The following PPP1R12C variants were observed in gnomAD, a reference collection of about 807,000 sequenced individuals.
The protein encoded by PPP1R12C is leukocyte receptor cluster (LRC) encoded novel gene 3.
PPP1R12C carries 48 observed loss-of-function variants against 95.6 expected under a neutral mutation model. The ratio of observed to expected loss-of-function variants is 0.50; its 90% CI spans 0.40 to 0.64. The LOEUF is 0.64. Among genes scored for constraint, PPP1R12C ranks in the 30% least tolerant of loss-of-function variants. PPP1R12C has a pLI of 0.00. For synonymous variants in PPP1R12C, 480 were observed against 460.8 expected, an observed-to-expected ratio of 1.04 and a Z score of -0.53; for missense variants, 1,057 against 1,083.3, an observed-to-expected ratio of 0.98 and a Z score of 0.34.
intron 4 of PPP1R12C, among the ~76,000 whole-genome samples, chr19:55,100,261 A>G (rs2084966377): frequency 6.6e-6 from 1 of 152,032 alleles, no homozygotes; most frequent in South Asian, 2.1e-4. Flanking sequence ...TTAAGCCAGC[A>G]GTTCTCAACT....
chr19:55,094,883 A>C, intron 11 of PPP1R12C, 85 bp from the exon 12 acceptor site: 2 of 1,440,800 alleles, frequency 1.4e-6, no homozygotes, highest in East Asian at 2.5e-5. Flanking sequence ...GAAAGAAACA[A>C]ATTATCTGGG....
rs752844398 is a variant in PPP1R12C at position 55,092,563 on chromosome 19, G to A, written c.1953-19C>T. 6.3e-6 allele frequency: 10 copies of A among 1,584,322 alleles called. No individual in the cohort carries two copies. In the Admixed American group the frequency reaches 1.6e-4, roughly 26 times the overall value. ...CAGGGTGCTGGGGCAGGGGAGGAGCGCGCGTCAGGGGCCGGCCCGGCCCGC... is the reference window on the plus strand; with the variant it reads ...CAGGGTGCTGGGGCAGGGGAGGAGCACGCGTCAGGGGCCGGCCCGGCCCGC... On this transcript the variant is annotated intron_variant, in intron 17 of 21. Coordinates refer to ENST00000263433, the MANE Select transcript of PPP1R12C (RefSeq NM_017607.4).
intron 19 of PPP1R12C, among the ~76,000 whole-genome samples, 153 bp downstream of exon 19, chr19:55,092,069 C>G (rs2084848831): frequency 6.6e-6 from 1 of 152,178 alleles, no homozygotes; most frequent in Non-Finnish European, 1.5e-5. Flanking sequence ...GCCCCATCCC[C>G]TCGCTCAGAC....
intron 3 of PPP1R12C, 76 bp downstream of exon 3, chr19:55,112,391 G>T: frequency 7.5e-7 from 1 of 1,338,474 alleles, no homozygotes; most frequent in Non-Finnish European, 1.0e-6. Context: ...TGCCCAGGCC[G>T]CCTCTAAAGC....
Position 55,095,445 on chromosome 19 carries a change from C to G in PPP1R12C, c.1386G>C (p.Gln462His). 6.4e-7 allele frequency: 1 copy of G among 1,561,430 alleles called. No homozygotes were observed. Among genetic ancestry groups the G allele is most frequent in the East Asian group, 2.4e-5 (1 of 41,648 alleles). ...SSSWLEGTST[Q>H]AKELRLARIT... Reference sequence around the variant, plus strand: ...TGGACCCGGCCCAACCCTCACTCACCTGAGTGGAGGTCCCTTCCAGCCAGG... The same window carrying G: ...TGGACCCGGCCCAACCCTCACTCACGTGAGTGGAGGTCCCTTCCAGCCAGG... The change falls in exon 10 of 22, where the codon CAG becomes CAC. Residue 462 changes from glutamine (Q) to histidine (H), a missense_variant and splice_region_variant. By Grantham distance (24) the Gln-to-His change is conservative. This residue lies in a region of PPP1R12C where 356 missense variants were observed against 330.5 expected (regional missense o/e 1.08). Transcript: ENST00000263433.
At chr19:55,108,227 G>A (rs774897772) in intron 3 of PPP1R12C, among the ~76,000 whole-genome samples, 8 of 151,682 alleles carry the variant, frequency 5.3e-5, no homozygotes, top group African/African-American at 9.7e-5. Context: ...GAGCCACCGC[G>A]CCCAGCCTAA....
At position 55,092,279 on chromosome 19, in the gene PPP1R12C, C is replaced by CAGGG; in HGVS notation, c.2099_2102dup (p.Thr702ProfsTer27). On this transcript the variant is annotated frameshift_variant, in exon 19 of 22. Transcript: ENST00000263433. LOFTEE classifies it high-confidence loss of function. ...GCGCCAGCCGCAGCGTGGTCTCGGT[C>CAGGG]AGGGCCTCGCGAAGCCGCTCGTTCT... 6.2e-7 allele frequency: 1 copy of CAGGG among 1,600,918 alleles called. No homozygotes were observed. The highest frequency in any genetic ancestry group is 8.5e-7 in the Non-Finnish European group (1 of 1,174,192).
At position 55,096,139 on chromosome 19, in the gene PPP1R12C, G is replaced by A. The variant is rs760899940; in HGVS notation, c.1065C>T (p.Ser355=). 1.9e-6 allele frequency: 3 copies of A among 1,600,216 alleles called. No individual in the cohort carries two copies. The highest frequency in any genetic ancestry group is 1.3e-5 in the African/African-American group (1 of 74,342). Residue 355 remains serine (S), a synonymous_variant, in exon 8 of 22, where the codon TCC becomes TCT. Transcript: ENST00000263433. ...VCRLSSREKI[S]LQDLSKERRP... ...GGCGCTCCTTGGACAAGTCCTGGAGGGAAATCTTCTCGCGACTGCTCAGAC... is the reference window on the plus strand; with the variant it reads ...GGCGCTCCTTGGACAAGTCCTGGAGAGAAATCTTCTCGCGACTGCTCAGAC...
rs1384297397 is a variant in PPP1R12C at position 55,092,763 on chromosome 19, G to A, written c.1911+20C>T. The A allele has an allele frequency of 1.9e-6, 3 of 1,547,096 alleles. No homozygotes were observed. The highest frequency in any genetic ancestry group is 2.4e-5 in the South Asian group (2 of 83,638). ...CCGGCCCACCCTCTGCACCAGCTCG[G>A]CCCCACCTGAGCCCCTCACCTCCGC... On this transcript the variant is annotated intron_variant, in intron 16 of 21. Transcript: ENST00000263433.
Position 55,113,711 on chromosome 19 carries a change from G to A in PPP1R12C, c.322-916C>T, listed in dbSNP as rs887376329. 8.1e-6 allele frequency: 6 copies of A among 736,990 alleles called. No homozygotes were observed. In the East Asian group the frequency reaches 1.5e-4, roughly 18 times the overall value. The allele number at this position is 736,990 out of a possible 1,614,324, so 45.7% of individuals were successfully genotyped here. On this transcript the variant is annotated intron_variant, in intron 1 of 21. Transcript: ENST00000263433. ...TCTGGAGGAGGCGGGAGGGAGCTAC[G>A]AGGGCCAAGAGCATGAGGTCATGGA...
Position 55,092,841 on chromosome 19 carries a change from C to T in PPP1R12C, c.1853G>A (p.Gly618Glu). ...GCGGTGCTCCCTGGCCGCCTGCGGT[C>T]CCGGACCCTGCCCGTCGGGCGCCTC... ...RAEAPDGQGP[G>E]PQAAREHRKV... Residue 618 changes from glycine to glutamate, a missense_variant, in exon 16 of 22, where the codon GGA becomes GAA. Gly to Glu is a moderately conservative substitution (Grantham distance 98). Around this residue, in one of 5 missense-constraint regions of PPP1R12C, gnomAD observed 347 missense variants for 307.9 expected, o/e 1.13. Coordinates refer to ENST00000263433, the MANE Select transcript of PPP1R12C (RefSeq NM_017607.4). 8 of 1,573,320 alleles carry T rather than the reference C, an allele frequency of 5.1e-6. No homozygotes were observed. Among genetic ancestry groups the T allele is most frequent in the South Asian group, 3.5e-5 (3 of 86,876 alleles).
At chr19:55,107,189 G>T (rs1344198765) in intron 3 of PPP1R12C, among the ~76,000 whole-genome samples, 2 of 152,070 alleles carry the variant, frequency 1.3e-5, no homozygotes, top group Non-Finnish European at 2.9e-5. Context: ...CGAGACGGGT[G>T]GATCAGCTGA....
chr19:55,100,110 C>T (rs1318033741), intron 4 of PPP1R12C, among the ~76,000 whole-genome samples: 2 of 152,220 alleles, frequency 1.3e-5, no homozygotes, highest in East Asian at 3.9e-4. Context: ...ACTTGCTGCT[C>T]TCAGCCGGGC....
chr19:55,098,944 C>A lies in PPP1R12C; in HGVS notation c.876+7G>T. On this transcript the variant is annotated splice_region_variant and intron_variant, in intron 5 of 21. Coordinates refer to ENST00000263433, the MANE Select transcript of PPP1R12C (RefSeq NM_017607.4). ...TGCCCCTCACCAGCCTGGGCACTGG[C>A]CCTCACCGCATGGGTCAGTGAGTCC... 6.3e-7 allele frequency: 1 copy of A among 1,587,444 alleles called. No individual in the cohort carries two copies. The highest frequency in any genetic ancestry group is 8.6e-7 in the Non-Finnish European group (1 of 1,166,934).
At chr19:55,092,141 G>A (rs2084849713) in intron 19 of PPP1R12C, 81 bp downstream of exon 19, 1 of 1,328,398 alleles carries the variant, frequency 7.5e-7, no homozygotes, top group African/African-American at 1.5e-5. Context: ...GCACCCCCAG[G>A]CCAGGCTCTA....
Position 55,117,618 on chromosome 19 carries a change from C to CCGCT in PPP1R12C, c.-76_-75insAGCG. ...CGCCACCACCCGCCCGCCCGCCCGC[C>CCGCT]CCGGGGGCCGCCGGGAACTGCCGCT... is the stretch of plus-strand genomic sequence containing the variant. On this transcript the variant is annotated 5_prime_UTR_variant, in exon 1 of 22. Coordinates refer to ENST00000263433, the MANE Select transcript of PPP1R12C (RefSeq NM_017607.4). 1 of 917,468 alleles carries CCGCT rather than the reference C, an allele frequency of 1.1e-6. No homozygotes were observed. Among genetic ancestry groups the CCGCT allele is most frequent in the Non-Finnish European group, 1.3e-6 (1 of 770,364 alleles). The allele number at this position is 917,468 out of a possible 1,614,324, so 56.8% of individuals were successfully genotyped here. A position where few individuals can be genotyped will look rare whatever the true frequency, so the allele number is the denominator to read the frequency against.
chr19:55,112,268 T>C (rs2085104446), intron 3 of PPP1R12C, 199 bp downstream of exon 3: 1 of 395,364 alleles, frequency 2.5e-6, no homozygotes, highest in Non-Finnish European at 4.8e-6. Context: ...TCTCATCCTG[T>C]GCGTGTGCTG....
intron 6 of PPP1R12C, 145 bp downstream of exon 6, chr19:55,098,639 C>A (rs1189770474): frequency 5.1e-6 from 5 of 988,850 alleles, no homozygotes; most frequent in Non-Finnish European, 7.6e-6. Context: ...GAGGCTGGGG[C>A]TGGGGCTGGG....
intron 20 of PPP1R12C, 70 bp downstream of exon 20, chr19:55,091,789 C>T: frequency 1.2e-6 from 2 of 1,611,982 alleles, no homozygotes; most frequent in Non-Finnish European, 1.7e-6. Context: ...CAATGTGGCT[C>T]CCTTGGTCCA....
Sources: gnomAD v4.1 joint callset for allele counts (sites outside exome capture counted in the v4.1 genomes callset) on GRCh38, gnomAD v4.1.1 for gene constraint, gnomAD v4.1.1 regional missense constraint, MANE v1.5 for transcripts, NCBI Gene and HGNC (gene_info 2026-07-23, HGNC 2026-07-21) for gene names.